SLC4A4: variants seen among roughly 807,000 people sequenced by gnomAD.
SLC4A4 encodes solute carrier family 4 member 4.
Under a neutral mutation model 111.5 loss-of-function variants are expected in SLC4A4, and 27 were observed. The ratio of observed to expected loss-of-function variants is 0.24; its 90% CI spans 0.18 to 0.33. SLC4A4 has a LOEUF of 0.33. Ranked by LOEUF, SLC4A4 falls within the 10% of genes least tolerant of loss-of-function variation. The pLI is 1.00. For synonymous variants in SLC4A4, 443 were observed against 463.4 expected, an observed-to-expected ratio of 0.96 and a Z score of 0.57; for missense variants, 909 against 1,315.5, an observed-to-expected ratio of 0.69 and a Z score of 4.78.
At chr4:71,271,494 C>A (rs954465356) in intron 3 of SLC4A4, among the ~76,000 whole-genome samples, 6 of 152,166 alleles carry the variant, frequency 3.9e-5, no homozygotes, top group African/African-American at 1.4e-4. Context: ...GAAACCAAAC[C>A]AGGGAGAACA....
intron 13 of SLC4A4, among the ~76,000 whole-genome samples, chr4:71,466,978 A>AGAGAGAGG (rs1727421617): frequency 6.8e-6 from 1 of 147,414 alleles, no homozygotes; most frequent in East Asian, 2.1e-4. Context: ...AGAGAGAGAG[A>AGAGAGAGG]GGTCTGAGTA....
At chr4:71,497,275 A>G (rs768776707) in intron 15 of SLC4A4, among the ~76,000 whole-genome samples, 37 of 152,154 alleles carry the variant, frequency 2.4e-4, no homozygotes, top group Non-Finnish European at 5.0e-4. Flanking sequence ...TGCCCAAACT[A>G]GGTAACAAAT....
In SLC4A4 at chr4:71,419,692, G is replaced by A. The variant is rs890292732; in HGVS notation, c.808-20924G>A. Among the ~76,000 whole-genome samples, 8 of 152,288 alleles carry A rather than the reference G, an allele frequency of 5.3e-5. No homozygotes were observed. The South Asian group carries it at 6.2e-4, about 12-fold the overall frequency. ...CCCTCCTTCGGCTCGTGCACGGTGCGCTGCACCTACTGACCTGCACCCACT... is the reference window on the plus strand; with the variant it reads ...CCCTCCTTCGGCTCGTGCACGGTGCACTGCACCTACTGACCTGCACCCACT... On this transcript the variant is annotated intron_variant, in intron 7 of 25. Transcript: ENST00000264485.
intron 1 of SLC4A4, among the ~76,000 whole-genome samples, chr4:71,228,519 A>G (rs893355549): frequency 3.3e-5 from 5 of 152,194 alleles, no homozygotes; most frequent in African/African-American, 9.7e-5. Context: ...CTGAAGTGGT[A>G]TAAGCTCATT....
chr4:71,363,534 A>G (rs1401058837), intron 6 of SLC4A4, among the ~76,000 whole-genome samples: 3 of 152,220 alleles, frequency 2.0e-5, no homozygotes, highest in Non-Finnish European at 4.4e-5. Context: ...GAATTCAGAC[A>G]TGGTCCCTTA....
At chr4:71,468,019 G>A (rs893643728) in intron 13 of SLC4A4, among the ~76,000 whole-genome samples, 1 of 152,022 alleles carries the variant, frequency 6.6e-6, no homozygotes, top group African/African-American at 2.4e-5. Context: ...GTCATAAGAT[G>A]GAGGAGGGAA....
chr4:71,551,412 GTGA>G (rs1351766888), intron 20 of SLC4A4, among the ~76,000 whole-genome samples: 2 of 151,810 alleles, frequency 1.3e-5, no homozygotes, highest in East Asian at 2.0e-4. Context: ...GATGGTAATG[GTGA>G]TGATGATGAT....
At chr4:71,542,370 G>A (rs528802427) in intron 18 of SLC4A4, among the ~76,000 whole-genome samples, 124 of 152,014 alleles carry the variant, frequency 8.2e-4, no homozygotes, top group African/African-American at 2.8e-3. Context: ...CCAATATACC[G>A]TTTATAGTCC....
intron 2 of SLC4A4, among the ~76,000 whole-genome samples, chr4:71,167,425 A>C (rs138799979): frequency 6.6e-6 from 1 of 152,168 alleles, no homozygotes; most frequent in Admixed American, 6.5e-5. Flanking sequence ...AAGTACATCC[A>C]GTTTTAAGGA....
At chr4:71,530,990 G>A (rs764447304) in intron 16 of SLC4A4, among the ~76,000 whole-genome samples, 1 of 152,020 alleles carries the variant, frequency 6.6e-6, no homozygotes, top group Non-Finnish European at 1.5e-5. Context: ...TTGGCTATGA[G>A]CTTCATGAGG....
intron 1 of SLC4A4, among the ~76,000 whole-genome samples, chr4:71,234,494 C>T (rs1047079469): frequency 1.3e-5 from 2 of 152,208 alleles, no homozygotes; most frequent in Admixed American, 6.5e-5. Flanking sequence ...GGCGCTATCT[C>T]GGCTCACTGC....
intron 1 of SLC4A4, among the ~76,000 whole-genome samples, chr4:71,228,253 A>G (rs968532009): frequency 6.6e-6 from 1 of 152,184 alleles, no homozygotes; most frequent in African/African-American, 2.4e-5. Context: ...AACAATCTGA[A>G]GACAGAGTTT....
intron 1 of SLC4A4, among the ~76,000 whole-genome samples, chr4:71,203,918 ACT>A (rs10548064): frequency 0.16 from 24,024 of 152,122 alleles, 3,074 homozygotes; most frequent in African/African-American, 0.32. Flanking sequence ...TAGTAAACTC[ACT>A]GTTTATTATG....
At chr4:71,442,912 A>C (rs1419327078) in intron 8 of SLC4A4, among the ~76,000 whole-genome samples, 1 of 151,730 alleles carries the variant, frequency 6.6e-6, no homozygotes, top group Non-Finnish European at 1.5e-5. Flanking sequence ...CTGGATGACT[A>C]TCAACCGGGT....
intron 1 of SLC4A4, among the ~76,000 whole-genome samples, chr4:71,219,789 A>AGGT (rs3039035): frequency 6.6e-6 from 1 of 152,030 alleles, no homozygotes; most frequent in African/African-American, 2.4e-5. Flanking sequence ...GGTGATTTTG[A>AGGT]TTCATTACTT....
chr4:71,533,602 T>G (rs1483310503), intron 17 of SLC4A4, among the ~76,000 whole-genome samples: 2 of 152,000 alleles, frequency 1.3e-5, no homozygotes, highest in Non-Finnish European at 2.9e-5. Flanking sequence ...CAGTTTTTTT[T>G]TGTGATTTTC....
At chr4:71,094,187 G>A (rs1742473490) in intron 2 of SLC4A4, among the ~76,000 whole-genome samples, 1 of 152,168 alleles carries the variant, frequency 6.6e-6, no homozygotes, top group Non-Finnish European at 1.5e-5. Context: ...GTCATAAAAT[G>A]TAGTGGTCAT....
intron 7 of SLC4A4, among the ~76,000 whole-genome samples, chr4:71,425,515 T>G (rs1190098810): frequency 6.6e-6 from 1 of 152,162 alleles, no homozygotes; most frequent in Non-Finnish European, 1.5e-5. Context: ...TATAAGTTTA[T>G]TTTGCCAAGA....
At chr4:71,388,918 A>G (rs978359299) in intron 6 of SLC4A4, among the ~76,000 whole-genome samples, 2 of 152,192 alleles carry the variant, frequency 1.3e-5, no homozygotes, top group South Asian at 2.1e-4. Flanking sequence ...AAGACTCTCA[A>G]TGAATTAGAG....
Sources: gnomAD v4.1 joint callset for allele counts (sites outside exome capture counted in the v4.1 genomes callset) on GRCh38, gnomAD v4.1.1 for gene constraint, MANE v1.5 for transcripts, NCBI Gene and HGNC (gene_info 2026-07-23, HGNC 2026-07-21) for gene names.